NRF1: variants seen among roughly 807,000 people sequenced by gnomAD.
The protein encoded by NRF1 is nuclear respiratory factor 1, also known as alpha palindromic-binding protein.
Under a neutral mutation model 58.5 loss-of-function variants are expected in NRF1, and 5 were observed. That is an observed-to-expected ratio of 0.09 (90% CI 0.04 to 0.18). The LOEUF (loss-of-function observed/expected upper bound fraction) is 0.18. Ranked by LOEUF, NRF1 falls within the 10% of genes least tolerant of loss-of-function variation. The pLI, the probability that NRF1 is intolerant of heterozygous loss-of-function variation, is 1.00. For missense variants in NRF1, 288 were observed against 657.7 expected (o/e 0.44, Z 6.15); for synonymous variants, 224 against 246.7 (o/e 0.91, Z 0.86).
rs556102619 is a variant in NRF1 at position 129,642,047 on chromosome 7, C to T, written c.-6-15299C>T. On this transcript the variant is annotated intron_variant, in intron 1 of 10. Coordinates refer to ENST00000393232, the MANE Select transcript of NRF1 (RefSeq NM_005011.5). ...AGGCTGGAGTGCAGTGGCACAACCT[C>T]GGCTCACTGCAACCTCCGCCTCCCA... Among the ~76,000 whole-genome samples the T allele has an allele frequency of 1.6e-4, 25 of 151,764 alleles. No homozygotes were observed. The South Asian group carries it at 3.5e-3, about 21-fold the overall frequency.
intron 1 of NRF1, among the ~76,000 whole-genome samples, chr7:129,655,102 CTATT>C (rs1048073982): frequency 2.0e-5 from 3 of 151,880 alleles, no homozygotes; most frequent in Non-Finnish European, 2.9e-5. Context: ...ATATCTCTCT[CTATT>C]TAGTTTTTAT....
At chr7:129,711,618 T>C in intron 8 of NRF1, 42 bp downstream of exon 8, 3 of 1,489,942 alleles carry the variant, frequency 2.0e-6, no homozygotes, top group Non-Finnish European at 2.8e-6. Flanking sequence ...AATACTTGAA[T>C]GTATAATGAG....
At chr7:129,614,163 T>G (rs1800607913) in intron 1 of NRF1, among the ~76,000 whole-genome samples, 1 of 152,190 alleles carries the variant, frequency 6.6e-6, no homozygotes, top group Admixed American at 6.5e-5. Flanking sequence ...TCACCCAGGC[T>G]GGAGTGCAGT....
chr7:129,715,946 G>A (rs1029995831), intron 8 of NRF1, among the ~76,000 whole-genome samples: 1 of 151,752 alleles, frequency 6.6e-6, no homozygotes, highest in African/African-American at 2.4e-5. Context: ...CGGAGGTTGC[G>A]GTGAGCCGAG....
At chr7:129,729,082 T>G (rs1370945642) in intron 10 of NRF1, among the ~76,000 whole-genome samples, 1 of 152,228 alleles carries the variant, frequency 6.6e-6, no homozygotes, top group Non-Finnish European at 1.5e-5. Context: ...TTGCTCTTAT[T>G]CACTATGGAA....
chr7:129,652,209 T>A (rs577043211), intron 1 of NRF1, among the ~76,000 whole-genome samples: 1 of 152,314 alleles, frequency 6.6e-6, no homozygotes, highest in South Asian at 2.1e-4. Flanking sequence ...AAATAAATAA[T>A]TATGTTCTTT....
chr7:129,722,583 C>T (rs980564207), intron 9 of NRF1, among the ~76,000 whole-genome samples: 3 of 152,082 alleles, frequency 2.0e-5, no homozygotes, highest in African/African-American at 7.2e-5. Context: ...AACCTGTCAC[C>T]CCCATTGCAT....
At chr7:129,732,598 T>TTTTGTTTG (rs57499892) in intron 10 of NRF1, among the ~76,000 whole-genome samples, 2,495 of 150,924 alleles carry the variant, frequency 0.017, 56 homozygotes, top group African/African-American at 0.053. Context: ...CCTTTGGGGT[T>TTTTGTTTG]TTTGTTTGTT....
intron 1 of NRF1, among the ~76,000 whole-genome samples, chr7:129,645,478 T>A (rs1017903452): frequency 6.6e-6 from 1 of 152,128 alleles, no homozygotes; most frequent in East Asian, 1.9e-4. Context: ...TCTAAATCGC[T>A]CTTTCCCATG....
chr7:129,640,037 G>A (rs920898170), intron 1 of NRF1, among the ~76,000 whole-genome samples: 22 of 152,160 alleles, frequency 1.4e-4, no homozygotes, highest in African/African-American at 4.6e-4. Context: ...TATTCCTGTG[G>A]CTGAGAATCA....
intron 9 of NRF1, among the ~76,000 whole-genome samples, chr7:129,718,509 A>G (rs1464650347): frequency 6.6e-6 from 1 of 152,206 alleles, no homozygotes; most frequent in Non-Finnish European, 1.5e-5. Context: ...TAGAGAATAG[A>G]GTGCTCTAGC....
chr7:129,673,135 C>T (rs1200616681), intron 3 of NRF1, among the ~76,000 whole-genome samples: 1 of 152,064 alleles, frequency 6.6e-6, no homozygotes, highest in African/African-American at 2.4e-5. Context: ...GAAAAAGATG[C>T]CAACTGACTA....
chr7:129,685,345 A>G (rs1336058706), intron 4 of NRF1, among the ~76,000 whole-genome samples: 1 of 152,088 alleles, frequency 6.6e-6, no homozygotes, highest in Non-Finnish European at 1.5e-5. Flanking sequence ...GAGCTCAGGA[A>G]TTCGAGGCTG....
In NRF1 at chr7:129,676,272, T is replaced by G. The variant is rs146146356; in HGVS notation, c.339-1360T>G. 9.4e-4 allele frequency among the ~76,000 whole-genome samples: 143 copies of G among 152,392 alleles called. 2 individuals are homozygous for G. Among genetic ancestry groups the G allele is most frequent in the Non-Finnish European group, 1.3e-3 (87 of 68,042 alleles). ...TTGTAATTTCCCTCAAGGACTTTTC[T>G]TTGCATTAACAACGTGGCCAACTGT... On this transcript the variant is annotated intron_variant, in intron 3 of 10. Transcript: ENST00000393232.
chr7:129,717,979 C>T (rs1217762390), intron 9 of NRF1, among the ~76,000 whole-genome samples: 1 of 152,158 alleles, frequency 6.6e-6, no homozygotes, highest in Non-Finnish European at 1.5e-5. Flanking sequence ...ATGTGTTGCC[C>T]TTGCTTATCA....
intron 4 of NRF1, among the ~76,000 whole-genome samples, chr7:129,685,556 AGTGTGTGTGTGTGTGT>A (rs67721424): frequency 0.034 from 4,879 of 143,084 alleles, 100 homozygotes; most frequent in African/African-American, 0.04. Flanking sequence ...GTCTCATTCA[AGTGTGTGTGTGTGTGT>A]GTGTGTGTGT....
At chr7:129,619,421 T>TACACAC (rs1167995584) in intron 1 of NRF1, among the ~76,000 whole-genome samples, 4 of 95,798 alleles carry the variant, frequency 4.2e-5, no homozygotes, top group Admixed American at 1.1e-4. Context: ...TATATATATA[T>TACACAC]ATATATATAT....
chr7:129,698,880 C>T (rs1386745106), intron 5 of NRF1, among the ~76,000 whole-genome samples: 1 of 152,194 alleles, frequency 6.6e-6, no homozygotes. Flanking sequence ...CAGTTCTGCT[C>T]TTTACCAGAC....
At chr7:129,750,910 T>C (rs1804099841) in intron 10 of NRF1, among the ~76,000 whole-genome samples, 1 of 152,216 alleles carries the variant, frequency 6.6e-6, no homozygotes, top group African/African-American at 2.4e-5. Flanking sequence ...AGTTAAATCT[T>C]AGTAAGCAGG....
Sources: allele counts gnomAD v4.1 joint callset (sites outside exome capture counted in the v4.1 genomes callset), GRCh38; gene constraint gnomAD v4.1.1; transcripts MANE v1.5; gene names NCBI Gene and HGNC (gene_info 2026-07-23, HGNC 2026-07-21).